The following FAT1 variants were observed in gnomAD, a reference collection of about 807,000 sequenced individuals.
The protein encoded by FAT1 is protocadherin Fat 1.
FAT1 carries 171 observed loss-of-function variants against 329.8 expected under a neutral mutation model. That is an observed-to-expected ratio of 0.52 (90% CI 0.46 to 0.59). FAT1 has a LOEUF of 0.59. Among genes scored for constraint, FAT1 ranks in the 20% least tolerant of loss-of-function variants. The pLI is 0.00. For synonymous variants in FAT1, 2,233 were observed against 2,228.6 expected (o/e 1.00, Z -0.06); for missense variants, 5,672 against 5,774.4 (o/e 0.98, Z 0.57).
chr4:186,599,225 T>A (rs747601828), intron 22 of FAT1, among the ~76,000 whole-genome samples: 2 of 152,074 alleles, frequency 1.3e-5, no homozygotes, highest in Non-Finnish European at 2.9e-5. Flanking sequence ...CAAATATACC[T>A]CCCTGAGAGA....
Position 186,714,774 on chromosome 4 carries a change from T to A in FAT1, c.-18-4929A>T, listed in dbSNP as rs561293138. On this transcript the variant is annotated intron_variant, in intron 1 of 26. Coordinates refer to ENST00000441802, the MANE Select transcript of FAT1 (RefSeq NM_005245.4). ...CCTAACATTAGAACTTGGAGTTCTA[T>A]ATAATATAAATACTCACTAATCCAG... Among the ~76,000 whole-genome samples, 10 of 152,312 alleles carry A rather than the reference T, an allele frequency of 6.6e-5. No individual in the cohort carries two copies. In the East Asian group the frequency reaches 1.9e-3, roughly 29 times the overall value.
intron 17 of FAT1, among the ~76,000 whole-genome samples, chr4:186,605,638 G>A (rs529533398): frequency 1.4e-5 from 2 of 138,782 alleles, no homozygotes; most frequent in African/African-American, 5.4e-5. Context: ...GAAGGAGGAG[G>A]AATGGAATGG....
At chr4:186,600,468 G>T in intron 21 of FAT1, 108 bp from the exon 22 acceptor site, 1 of 884,526 alleles carries the variant, frequency 1.1e-6, no homozygotes. Context: ...TAGAAGTTAG[G>T]CCTTACATTT....
intron 16 of FAT1, among the ~76,000 whole-genome samples, chr4:186,608,110 A>T (rs1739231978): frequency 6.6e-6 from 1 of 152,180 alleles, no homozygotes; most frequent in South Asian, 2.1e-4. Context: ...AAGACCAAAA[A>T]ATCAGGCTGC....
At chr4:186,607,300 A>T (rs1383547943) in intron 16 of FAT1, among the ~76,000 whole-genome samples, 2 of 152,182 alleles carry the variant, frequency 1.3e-5, no homozygotes, top group African/African-American at 4.8e-5. Context: ...GTTCCTGCTC[A>T]GCTTCCCTTC....
chr4:186,675,069 T>G (rs1742891803), intron 2 of FAT1, among the ~76,000 whole-genome samples: 2 of 152,058 alleles, frequency 1.3e-5, no homozygotes, highest in Admixed American at 1.3e-4. Flanking sequence ...CTGCATAGGC[T>G]AAATTAACTG....
rs7681251 is a variant in FAT1, at chr4:186,609,458, T to C, written c.10069-138A>G. The C allele has an allele frequency of 6.5e-3, 6,917 of 1,067,694 alleles. 215 individuals are homozygous for C. The African/African-American group carries it at 0.078, about 12-fold the overall frequency. 66.1% of individuals were successfully genotyped at this position (1,067,694 alleles called of 1,614,324 possible). On this transcript the variant is annotated intron_variant, in intron 15 of 26. Transcript: ENST00000441802. ...TTGAGATGGAGCCTTGCTCTGTCAC[T>C]CAGGCTGGAGTGCAGTGGCACAATC...
intron 22 of FAT1, among the ~76,000 whole-genome samples, chr4:186,599,026 C>T (rs372828235): frequency 2.6e-5 from 4 of 152,190 alleles, no homozygotes; most frequent in African/African-American, 7.2e-5. Context: ...AGCTGCCATA[C>T]TCCTTTACTC....
In FAT1 at chr4:186,707,202, C is replaced by T. The variant is rs777942853; in HGVS notation, c.2626G>A (p.Val876Ile). ...DTFSIDSVTGVVNIARPLDRE... is the reference protein window; with the variant it reads ...DTFSIDSVTGIVNIARPLDRE... ...TCCAGAGGGCGTGCGATGTTAACAA[C>T]ACCCGTCACGCTGTCAATTGAAAAT... The change falls in exon 2 of 27, where the codon GTT becomes ATT. Residue 876 changes from valine (V) to isoleucine (I), a missense_variant. By Grantham distance (29) the Val-to-Ile change is conservative. Coordinates refer to ENST00000441802, the MANE Select transcript of FAT1 (RefSeq NM_005245.4). 1.2e-6 allele frequency: 2 copies of T among 1,613,966 alleles called. No homozygotes were observed. The highest frequency in any genetic ancestry group is 2.2e-5 in the South Asian group (2 of 91,086).
rs750488860 is a variant in FAT1 at position 186,708,322 on chromosome 4, G to C, written c.1506C>G (p.Ile502Met). The change falls in exon 2 of 27, where the codon ATC becomes ATG. Residue 502 changes from isoleucine to methionine, a missense_variant. Ile to Met is a conservative substitution (Grantham distance 10). Coordinates refer to ENST00000441802, the MANE Select transcript of FAT1 (RefSeq NM_005245.4). ...CAAACGGCACATGATTTAAATTTGC[G>C]ATACTGTATGTCACGTACCCGTTCT... ...EGENGYVTYS[I>M]ANLNHVPFAI... The C allele has an allele frequency of 6.2e-7, 1 of 1,613,936 alleles. No individual in the cohort carries two copies. The highest frequency in any genetic ancestry group is 2.2e-5 in the East Asian group (1 of 44,872).
At chr4:186,657,654 C>CA (rs1741967758) in intron 3 of FAT1, among the ~76,000 whole-genome samples, 1 of 151,924 alleles carries the variant, frequency 6.6e-6, no homozygotes, top group African/African-American at 2.4e-5. Flanking sequence ...AATTACACCT[C>CA]AAAAAAGCTT....
intron 2 of FAT1, among the ~76,000 whole-genome samples, chr4:186,667,858 A>G (rs1742528801): frequency 6.6e-6 from 1 of 152,198 alleles, no homozygotes; most frequent in South Asian, 2.1e-4. Context: ...TGGGATCCGG[A>G]GCTGAGCCGG....
At chr4:186,701,932 C>T (rs1183740739) in intron 2 of FAT1, among the ~76,000 whole-genome samples, 2 of 152,230 alleles carry the variant, frequency 1.3e-5, no homozygotes, top group Non-Finnish European at 2.9e-5. Flanking sequence ...CACCTGTGTG[C>T]ACCTAAGCCG....
intron 26 of FAT1, among the ~76,000 whole-genome samples, chr4:186,595,261 G>A (rs1225098562): frequency 2.6e-5 from 4 of 151,930 alleles, no homozygotes; most frequent in African/African-American, 2.4e-5. Flanking sequence ...TACTGAAATC[G>A]AACATTTCAG....
At position 186,648,777 on chromosome 4, in the gene FAT1, C is replaced by T. The variant is rs75655111; in HGVS notation, c.3581-8994G>A. On this transcript the variant is annotated intron_variant, in intron 3 of 26. Coordinates refer to ENST00000441802, the MANE Select transcript of FAT1 (RefSeq NM_005245.4). Reference sequence around the variant, plus strand: ...AATGCCAACCCCCCTTCTTCCCGCTCCATGCCAGAGCCACCAAATCACACT... The same window carrying T: ...AATGCCAACCCCCCTTCTTCCCGCTTCATGCCAGAGCCACCAAATCACACT... Among the ~76,000 whole-genome samples the T allele has an allele frequency of 3.2e-3, 485 of 152,248 alleles. 7 individuals carry two copies. The highest frequency in any genetic ancestry group is 0.026 in the East Asian group (132 of 5,172).
chr4:186,655,778 C>A (rs889596783), intron 3 of FAT1, among the ~76,000 whole-genome samples: 1 of 152,022 alleles, frequency 6.6e-6, no homozygotes, highest in African/African-American at 2.4e-5. Context: ...ATGGAAAAAC[C>A]CAAGATGCAT....
At chr4:186,593,637 A>G (rs1011398241) in intron 26 of FAT1, among the ~76,000 whole-genome samples, 2 of 152,188 alleles carry the variant, frequency 1.3e-5, no homozygotes, top group Non-Finnish European at 2.9e-5. Flanking sequence ...AGGGTGGTCA[A>G]TGAAACACTG....
intron 2 of FAT1, 66 bp from the exon 3 acceptor site, chr4:186,663,679 G>T: frequency 7.7e-7 from 1 of 1,295,648 alleles, no homozygotes; most frequent in Non-Finnish European, 1.1e-6. Flanking sequence ...TTCAGAAAGT[G>T]TCAACAACTA....
chr4:186,643,300 A>C (rs1741187282), intron 3 of FAT1, among the ~76,000 whole-genome samples: 1 of 152,170 alleles, frequency 6.6e-6, no homozygotes, highest in Non-Finnish European at 1.5e-5. Flanking sequence ...TCCTGCAAGA[A>C]ACCCTGCAGG....
Sources: allele counts gnomAD v4.1 joint callset (sites outside exome capture counted in the v4.1 genomes callset), GRCh38; gene constraint gnomAD v4.1.1; transcripts MANE v1.5; gene names NCBI Gene and HGNC (gene_info 2026-07-23, HGNC 2026-07-21).